ASTN2: variants seen among roughly 807,000 people sequenced by gnomAD.
ASTN2 encodes astrotactin 2.
ASTN2 carries 54 observed loss-of-function variants against 139.8 expected under a neutral mutation model. That is an observed-to-expected ratio of 0.39 (90% CI 0.31 to 0.48). ASTN2 has a LOEUF of 0.48. ASTN2 is among the 20% of genes least tolerant of loss of function. ASTN2 has a pLI of 0.95. For synonymous variants in ASTN2, 756 were observed against 719.5 expected (o/e 1.05, Z -0.81); for missense variants, 1,565 against 1,725.1 (o/e 0.91, Z 1.64).
chr9:117,092,653 C>T (rs1347219102), intron 5 of ASTN2, among the ~76,000 whole-genome samples: 1 of 152,158 alleles, frequency 6.6e-6, no homozygotes, highest in East Asian at 1.9e-4. Context: ...ATTAGATGAC[C>T]ATTCTCAACT....
At chr9:117,298,851 G>C (rs370522417) in intron 1 of ASTN2, among the ~76,000 whole-genome samples, 16 of 151,766 alleles carry the variant, frequency 1.1e-4, no homozygotes, top group East Asian at 7.8e-4. Flanking sequence ...GAACTGAATA[G>C]GGGCTCCATA....
chr9:116,508,322 T>C (rs1215195570), intron 19 of ASTN2, among the ~76,000 whole-genome samples: 2 of 152,198 alleles, frequency 1.3e-5, no homozygotes, highest in Admixed American at 1.3e-4. Context: ...ATTCAGTGCA[T>C]GGTAGTGGCG....
rs71379267 is a variant in ASTN2 at position 117,144,660 on chromosome 9, G to GTTTTTTTT, written c.1016-3190_1016-3183dup. The stretch of plus-strand genomic sequence containing the variant: ...TGACATTTGAGAGGAGTGAACACTA[G>GTTTTTTTT]TTTTTTTTTTTTTTTTTTTTTTTTT... On this transcript the variant is annotated intron_variant, in intron 3 of 22. Coordinates refer to ENST00000313400, the MANE Select transcript of ASTN2 (RefSeq NM_001365068.1). Among the ~76,000 whole-genome samples, 25 of 78,348 alleles carry GTTTTTTTT rather than the reference G, an allele frequency of 3.2e-4. 2 individuals are homozygous for GTTTTTTTT. Among genetic ancestry groups the GTTTTTTTT allele is most frequent in the African/African-American group, 1.1e-3 (18 of 16,566 alleles). The allele number at this position is 78,348 out of a possible 152,430, so 51.4% of individuals were successfully genotyped here. A position where few individuals can be genotyped will look rare whatever the true frequency, so the allele number is the denominator to read the frequency against.
chr9:116,796,854 C>A (rs373848125), intron 13 of ASTN2, among the ~76,000 whole-genome samples: 1 of 152,230 alleles, frequency 6.6e-6, no homozygotes, highest in East Asian at 1.9e-4. Context: ...CAGTGTCACC[C>A]AGGCTGGAAT....
At chr9:116,891,621 C>T (rs1833763601) in intron 10 of ASTN2, among the ~76,000 whole-genome samples, 1 of 152,192 alleles carries the variant, frequency 6.6e-6, no homozygotes, top group African/African-American at 2.4e-5. Context: ...GGCTCTATGA[C>T]AATGGGCTTT....
At chr9:116,977,655 C>A (rs1030298634) in intron 7 of ASTN2, among the ~76,000 whole-genome samples, 7 of 151,904 alleles carry the variant, frequency 4.6e-5, no homozygotes, top group African/African-American at 1.7e-4. Context: ...TCTCTCTGTC[C>A]TACTCCCAGC....
At chr9:116,682,073 T>G (rs1439330236) in intron 16 of ASTN2, among the ~76,000 whole-genome samples, 2 of 151,540 alleles carry the variant, frequency 1.3e-5, no homozygotes, top group South Asian at 2.1e-4. Flanking sequence ...GAAACTACCA[T>G]CAGAGTGAAC....
chr9:117,060,433 AGAGAGAG>A lies in ASTN2; in HGVS notation c.1277-20475_1277-20469del, dbSNP rs1413146612. 2.8e-3 allele frequency among the ~76,000 whole-genome samples: 109 copies of A among 38,738 alleles called. 3 individuals are homozygous for A. Among genetic ancestry groups the A allele is most frequent in the African/African-American group, 0.01 (102 of 9,730 alleles). 25.4% of individuals were successfully genotyped at this position (38,738 alleles called of 152,430 possible). A position where few individuals can be genotyped will look rare whatever the true frequency, so the allele number is the denominator to read the frequency against. On this transcript the variant is annotated intron_variant, in intron 5 of 22. Coordinates refer to ENST00000313400, the MANE Select transcript of ASTN2 (RefSeq NM_001365068.1). ...AAGAAGGAAAGGAAGGAAGGAAGGA[AGAGAGAG>A]AGAGAAAGAAAGAAAGAAAGGAAGG... is the stretch of plus-strand genomic sequence containing the variant.
At chr9:117,162,806 G>A (rs893950829) in intron 3 of ASTN2, among the ~76,000 whole-genome samples, 1 of 152,060 alleles carries the variant, frequency 6.6e-6, no homozygotes, top group East Asian at 1.9e-4. Context: ...GAATAAGGAT[G>A]CCTGGAGGGG....
chr9:116,955,074 G>A (rs918833678), intron 10 of ASTN2, among the ~76,000 whole-genome samples: 3 of 152,232 alleles, frequency 2.0e-5, no homozygotes, highest in African/African-American at 7.2e-5. Context: ...ATGAGGACTC[G>A]AAGTCTGGTG....
intron 1 of ASTN2, among the ~76,000 whole-genome samples, chr9:117,324,373 G>T (rs1259298267): frequency 6.6e-6 from 1 of 152,194 alleles, no homozygotes; most frequent in African/African-American, 2.4e-5. Flanking sequence ...TCACAGTTCT[G>T]CATGGCTGAA....
At chr9:116,480,217 A>G (rs1021247885) in intron 20 of ASTN2, among the ~76,000 whole-genome samples, 2 of 152,076 alleles carry the variant, frequency 1.3e-5, no homozygotes, top group Non-Finnish European at 2.9e-5. Context: ...GGAAGTGGAA[A>G]GAAGGAGGGA....
At chr9:117,257,070 A>G (rs10739488) in intron 2 of ASTN2, among the ~76,000 whole-genome samples, 79,900 of 152,110 alleles carry the variant, frequency 0.53, 24,418 homozygotes, top group Admixed American at 0.67. Flanking sequence ...ACATTTTTCT[A>G]TGGGACTCAG....
intron 13 of ASTN2, among the ~76,000 whole-genome samples, chr9:116,782,694 T>C (rs966084781): frequency 6.6e-6 from 1 of 152,230 alleles, no homozygotes; most frequent in Non-Finnish European, 1.5e-5. Flanking sequence ...AGATCCGTGA[T>C]GGCTAACCCA....
chr9:116,890,392 A>T (rs1833733432), intron 10 of ASTN2, among the ~76,000 whole-genome samples: 1 of 152,238 alleles, frequency 6.6e-6, no homozygotes, highest in African/African-American at 2.4e-5. Flanking sequence ...CAATAGCTCA[A>T]CATGGTAGTT....
chr9:116,696,760 C>A (rs1358510400), intron 16 of ASTN2, among the ~76,000 whole-genome samples: 16 of 152,086 alleles, frequency 1.1e-4, no homozygotes, highest in Non-Finnish European at 4.4e-5. Context: ...CCTCTTGTAT[C>A]TAGTACAGAA....
chr9:116,906,110 C>T (rs754090592), intron 10 of ASTN2, among the ~76,000 whole-genome samples: 7 of 151,856 alleles, frequency 4.6e-5, no homozygotes, highest in Admixed American at 6.6e-5. Context: ...GCTTGGGGCT[C>T]GAGATGACCA....
intron 19 of ASTN2, among the ~76,000 whole-genome samples, chr9:116,595,416 C>T (rs774894825): frequency 9.9e-5 from 15 of 151,516 alleles, no homozygotes; most frequent in Non-Finnish European, 2.1e-4. Context: ...CAACCTCCAC[C>T]TCCCAATTCA....
chr9:117,310,790 A>G (rs548104593), intron 1 of ASTN2, among the ~76,000 whole-genome samples: 18 of 152,116 alleles, frequency 1.2e-4, no homozygotes, highest in Admixed American at 1.1e-3. Flanking sequence ...ACACCCAGAT[A>G]ATGTTTTATT....
Sources: allele counts gnomAD v4.1 joint callset (sites outside exome capture counted in the v4.1 genomes callset), GRCh38; gene constraint gnomAD v4.1.1; transcripts MANE v1.5; gene names NCBI Gene and HGNC (gene_info 2026-07-23, HGNC 2026-07-21).